The following RP1 variants were observed in gnomAD, a reference collection of about 807,000 sequenced individuals.
RP1 encodes RP1 axonemal microtubule associated.
In RP1, 16 loss-of-function variants were observed where a neutral mutation model predicts 14.8. That is an observed-to-expected ratio of 1.08 (90% CI 0.73 to 1.65). The LOEUF is 1.65. Ranked by LOEUF, RP1 falls within the 40% of genes most tolerant of loss-of-function variation. The pLI is 0.00. For synonymous variants in RP1, 876 were observed against 883.6 expected, an observed-to-expected ratio of 0.99 and a Z score of 0.15; for missense variants, 2,631 against 2,535.0, an observed-to-expected ratio of 1.04 and a Z score of -0.81.
At chr8:54,854,803 T>C (rs1812151521) in intron 26 of RP1, among the ~76,000 whole-genome samples, 1 of 152,154 alleles carries the variant, frequency 6.6e-6, no homozygotes, top group South Asian at 2.1e-4. Context: ...AATTGGAGGT[T>C]GCATTGAGCC....
Position 54,857,165 on chromosome 8 carries a change from G to A in RP1, c.4069+59G>A, listed in dbSNP as rs1812223978. ...TGCAAATTTATGAAAAATCGTATAA[G>A]AAGCAGGTGAAAGAACAGGAAAATG... On this transcript the variant is annotated intron_variant, in intron 27 of 28. Coordinates refer to the RP1 transcript ENST00000637698. 6.3e-6 allele frequency: 4 copies of A among 630,396 alleles called. No homozygotes were observed. In the South Asian group the frequency reaches 3.2e-4, roughly 51 times the overall value. The allele number at this position is 630,396 out of a possible 1,614,324, so 39.1% of individuals were successfully genotyped here. A position where few individuals can be genotyped will look rare whatever the true frequency, so the allele number is the denominator to read the frequency against.
intron 1 of RP1, among the ~76,000 whole-genome samples, chr8:54,620,147 C>T (rs1243389604): frequency 6.6e-6 from 1 of 152,096 alleles, no homozygotes; most frequent in African/African-American, 2.4e-5. Flanking sequence ...CAGAGATAAC[C>T]ACCATCAACA....
At chr8:54,768,183 C>T (rs1036435550) in intron 22 of RP1, among the ~76,000 whole-genome samples, 2 of 152,212 alleles carry the variant, frequency 1.3e-5, no homozygotes, top group Non-Finnish European at 2.9e-5. Context: ...GTGCTGTTGT[C>T]TCTCTCTACG....
Position 54,616,159 on chromosome 8 carries a change from T to G in RP1, c.-56T>G, listed in dbSNP as rs189072873. 6.6e-6 allele frequency: 1 copy of G among 152,380 alleles called. No homozygotes were observed. Among genetic ancestry groups the G allele is most frequent in the East Asian group, 1.9e-4 (1 of 5,192 alleles). The allele number at this position is 152,380 out of a possible 1,614,324, so 9.4% of individuals were successfully genotyped here. On this transcript the variant is annotated 5_prime_UTR_variant, in exon 1 of 4. Transcript: ENST00000220676. ...ATTTATTTGAGCTATTTAAACAACT[T>G]AAACATCTTTTTCTTTTCTTAATAA...
upstream of RP1, among the ~76,000 whole-genome samples, chr8:54,611,538 G>C (rs1019427486): frequency 1.3e-4 from 20 of 151,804 alleles, no homozygotes; most frequent in African/African-American, 4.6e-4. Flanking sequence ...ATTTCTTTTT[G>C]GTTCCTTTTC....
rs574662592 is a variant in RP1, at chr8:54,668,860, C to T, written c.1324-4990C>T. 1.4e-4 allele frequency among the ~76,000 whole-genome samples: 21 copies of T among 152,226 alleles called. No homozygotes were observed. The South Asian group carries it at 3.3e-3, about 24-fold the overall frequency. On this transcript the variant is annotated intron_variant, in intron 7 of 22. Coordinates refer to the RP1 transcript ENST00000636932. Reference sequence around the variant, plus strand: ...CTGAAACTGGATCCCTTCCTTACACCTTATACAAAAATTAATTCAAGATGG... The same window carrying T: ...CTGAAACTGGATCCCTTCCTTACACTTTATACAAAAATTAATTCAAGATGG...
intron 18 of RP1, chr8:54,734,793 T>C: frequency 6.9e-7 from 1 of 1,456,464 alleles, no homozygotes; most frequent in Non-Finnish European, 9.1e-7. Flanking sequence ...TCAAAGACAT[T>C]TCTGTAATGT....
At chr8:54,722,265 T>A (rs1808553724) in intron 16 of RP1, among the ~76,000 whole-genome samples, 1 of 124,404 alleles carries the variant, frequency 8.0e-6, no homozygotes, top group Non-Finnish European at 1.6e-5. Flanking sequence ...TTTAGAATGG[T>A]TTTTTTTTTT....
At chr8:54,651,595 A>G (rs1806655929) in intron 4 of RP1, among the ~76,000 whole-genome samples, 1 of 152,024 alleles carries the variant, frequency 6.6e-6, no homozygotes, top group Admixed American at 6.6e-5. Flanking sequence ...TATTTCTGTA[A>G]AGTCAATAGC....
At chr8:54,603,438 T>C (rs916381566) in intron 1 of RP1, among the ~76,000 whole-genome samples, 13 of 152,336 alleles carry the variant, frequency 8.5e-5, no homozygotes, top group African/African-American at 2.4e-4. Context: ...TTGGTTACTG[T>C]AGCCTTGTAG....
intron 25 of RP1, among the ~76,000 whole-genome samples, chr8:54,838,890 T>G (rs1404485117): frequency 2.0e-5 from 3 of 152,204 alleles, no homozygotes; most frequent in Non-Finnish European, 2.9e-5. Flanking sequence ...AAGAATGCCT[T>G]GTCTGTAAAA....
At chr8:54,595,376 G>A (rs561134548) in intron 1 of RP1, among the ~76,000 whole-genome samples, 17 of 152,164 alleles carry the variant, frequency 1.1e-4, no homozygotes, top group African/African-American at 3.4e-4. Context: ...TGATCCGCCC[G>A]CCTCAGCCTC....
intron 24 of RP1, among the ~76,000 whole-genome samples, chr8:54,807,912 AC>A (rs1810897198): frequency 6.6e-6 from 1 of 151,120 alleles, no homozygotes; most frequent in Non-Finnish European, 1.5e-5. Flanking sequence ...ATTTGATGAG[AC>A]CCGTCCACAT....
At chr8:54,595,123 C>T (rs1016934055) in intron 1 of RP1, among the ~76,000 whole-genome samples, 3 of 151,648 alleles carry the variant, frequency 2.0e-5, no homozygotes, top group African/African-American at 4.8e-5. Flanking sequence ...TAAGAAGGAT[C>T]CTCCAAACAT....
At chr8:54,670,671 TTATA>T (rs375877155) in intron 7 of RP1, among the ~76,000 whole-genome samples, 21,465 of 62,496 alleles carry the variant, frequency 0.34, 4,400 homozygotes, top group Middle Eastern at 0.5. Context: ...ATATATGTTT[TTATA>T]TATATATATA....
intron 1 of RP1, among the ~76,000 whole-genome samples, chr8:54,590,144 C>T (rs1805015267): frequency 6.6e-6 from 1 of 152,194 alleles, no homozygotes; most frequent in East Asian, 1.9e-4. Flanking sequence ...ATTATCCCTT[C>T]CCTGTCTTGG....
At chr8:54,843,702 G>A (rs1811845032) in intron 25 of RP1, among the ~76,000 whole-genome samples, 1 of 152,182 alleles carries the variant, frequency 6.6e-6, no homozygotes, top group African/African-American at 2.4e-5. Flanking sequence ...TCTTCGGGAA[G>A]TTTGGTCGCT....
chr8:54,609,710 C>T (rs78136406), intron 1 of RP1, among the ~76,000 whole-genome samples: 1,625 of 152,254 alleles, frequency 0.011, 28 homozygotes, highest in African/African-American at 0.034. Flanking sequence ...CATCCCAGGT[C>T]GCTGAGATGG....
chr8:54,596,331 A>G (rs1340882165), intron 1 of RP1, among the ~76,000 whole-genome samples: 3 of 152,166 alleles, frequency 2.0e-5, no homozygotes, highest in African/African-American at 7.2e-5. Flanking sequence ...CTATATCACA[A>G]CTGTAAATCT....
Sources: allele counts gnomAD v4.1 joint callset (sites outside exome capture counted in the v4.1 genomes callset), GRCh38; gene constraint gnomAD v4.1.1; transcripts MANE v1.5; gene names NCBI Gene and HGNC (gene_info 2026-07-23, HGNC 2026-07-21).